DSC1: variants seen among roughly 807,000 people sequenced by gnomAD.
DSC1 encodes the protein desmocollin-1.
DSC1 carries 79 observed loss-of-function variants against 98.8 expected under a neutral mutation model. That is an observed-to-expected ratio of 0.80 (90% CI 0.67 to 0.96). The LOEUF is 0.96. DSC1 is among the 50% of genes least tolerant of loss of function. DSC1 has a pLI of 0.00. For synonymous variants in DSC1, 405 were observed against 372.1 expected, an observed-to-expected ratio of 1.09 and a Z score of -1.02; for missense variants, 1,115 against 1,075.9, an observed-to-expected ratio of 1.04 and a Z score of -0.51.
intron 1 of DSC1, 97 bp from the exon 2 acceptor site, chr18:31,159,626 G>A (rs375300463): frequency 9.5e-6 from 11 of 1,155,836 alleles, no homozygotes; most frequent in East Asian, 5.3e-5. Context: ...TGTCAATTTT[G>A]GAAACAAATT....
Position 31,162,550 on chromosome 18 carries a change from C to T in DSC1, c.45G>A (p.Gln15=), listed in dbSNP as rs1989229872. The part of the protein sequence containing the change: ...SAAPGSIFCK[Q]LLFSLLVLTL... ...TACTCACCAGGAGAGAGAAAAGGAG[C>T]TGCTTACAGAAGATGCTCCCTGGGG... Residue 15 remains glutamine (Q), a synonymous_variant, in exon 1 of 16, where the codon CAG becomes CAA. Transcript: ENST00000257198. The T allele has an allele frequency of 6.2e-7, 1 of 1,614,144 alleles. No homozygotes were observed. Among genetic ancestry groups the T allele is most frequent in the Non-Finnish European group, 8.5e-7 (1 of 1,180,018 alleles).
intron 6 of DSC1, among the ~76,000 whole-genome samples, chr18:31,148,111 G>T (rs545013145): frequency 3.3e-5 from 5 of 152,066 alleles, no homozygotes; most frequent in Non-Finnish European, 7.4e-5. Context: ...TTTTCCTAAT[G>T]GCAAAATTGA....
Position 31,154,848 on chromosome 18 carries a change from A to G in DSC1, c.553T>C (p.Phe185Leu). 6.2e-7 allele frequency: 1 copy of G among 1,614,106 alleles called. No homozygotes were observed. Among genetic ancestry groups the G allele is most frequent in the Non-Finnish European group, 8.5e-7 (1 of 1,180,004 alleles). ...TCCCCAGTGTCTTTCTCTATGTAAAACAAATTGAAGGGTTCTTTGTCCACG... is the reference window on the plus strand; with the variant it reads ...TCCCCAGTGTCTTTCTCTATGTAAAGCAAATTGAAGGGTTCTTTGTCCACG... ...PGVDKEPFNL[F>L]YIEKDTGDIF... Residue 185 changes from phenylalanine to leucine, a missense_variant, in exon 5 of 16, where the codon TTT becomes CTT. By Grantham distance (22) the Phe-to-Leu change is conservative. Transcript: ENST00000257198.
intron 14 of DSC1, 62 bp from the exon 15 acceptor site, chr18:31,131,904 A>AT (rs1055891349): frequency 3.7e-5 from 58 of 1,576,544 alleles, no homozygotes; most frequent in Non-Finnish European, 4.7e-5. Flanking sequence ...ATTCATTTTC[A>AT]TTTTTTTTCA....
intron 2 of DSC1, among the ~76,000 whole-genome samples, chr18:31,157,960 G>T (rs1989134165): frequency 6.6e-6 from 1 of 152,172 alleles, no homozygotes; most frequent in East Asian, 1.9e-4. Flanking sequence ...GCAGTAGTTT[G>T]ATACTTAAAA....
intron 3 of DSC1, 25 bp from the exon 4 acceptor site, chr18:31,156,187 A>G (rs906397862): frequency 7.5e-6 from 12 of 1,597,780 alleles, no homozygotes; most frequent in Non-Finnish European, 9.4e-6. Context: ...AAACAAAGAA[A>G]TGTAGCATTG....
chr18:31,157,357 C>T lies in DSC1; in HGVS notation c.351+14G>A, dbSNP rs28630791. 8.3e-3 allele frequency: 13,455 copies of T among 1,613,572 alleles called. 974 individuals are homozygous for T. In the African/African-American group the frequency reaches 0.16, roughly 19 times the overall value. ...ATATTACTGTGCTAGGCTGCTTAAGCCCTTGCCTTATACCTTGTTTTCTCT... is the reference window on the plus strand; with the variant it reads ...ATATTACTGTGCTAGGCTGCTTAAGTCCTTGCCTTATACCTTGTTTTCTCT... On this transcript the variant is annotated intron_variant, in intron 3 of 15. Coordinates refer to ENST00000257198, the MANE Select transcript of DSC1 (RefSeq NM_024421.2).
chr18:31,148,401 C>A, intron 6 of DSC1, 97 bp downstream of exon 6: 10 of 1,364,504 alleles, frequency 7.3e-6, no homozygotes, highest in African/African-American at 5.8e-5. Flanking sequence ...CCAGAAAATG[C>A]ATAAAATGCA....
At chr18:31,134,820 G>GA in intron 11 of DSC1, 36 bp from the exon 12 acceptor site, 1 of 1,552,230 alleles carries the variant, frequency 6.4e-7, no homozygotes, top group East Asian at 2.3e-5. Context: ...TTCTTCACAT[G>GA]AAAATGCATT....
chr18:31,159,047 G>GTTTTTTTTTTTT (rs560889140), intron 2 of DSC1, among the ~76,000 whole-genome samples: 5,443 of 70,368 alleles, frequency 0.077, 1,243 homozygotes, highest in African/African-American at 0.13. Context: ...CTACTATGTG[G>GTTTTTTTTTTTT]TTTTTTTTTT....
intron 11 of DSC1, 69 bp downstream of exon 11, chr18:31,139,679 A>G: frequency 7.1e-7 from 1 of 1,405,612 alleles, no homozygotes; most frequent in Non-Finnish European, 9.5e-7. Flanking sequence ...AAATAAACAG[A>G]TTTCACCACA....
At chr18:31,151,011 T>C (rs1988991926) in intron 5 of DSC1, 2 of 152,240 alleles carry the variant, frequency 1.3e-5, no homozygotes, top group South Asian at 4.1e-4. Flanking sequence ...GCATCTCTTG[T>C]AATGAATTTT....
At chr18:31,149,766 C>T (rs920173398) in intron 5 of DSC1, among the ~76,000 whole-genome samples, 2 of 152,102 alleles carry the variant, frequency 1.3e-5, no homozygotes, top group Admixed American at 6.6e-5. Flanking sequence ...GTTCACTGTT[C>T]GTGCTAACCT....
intron 5 of DSC1, among the ~76,000 whole-genome samples, chr18:31,150,363 TCACCACCAC>T (rs1988963819): frequency 2.7e-5 from 1 of 37,346 alleles, no homozygotes; most frequent in Admixed American, 3.6e-4. Context: ...ACCACCATCA[TCACCACCAC>T]CATCATCACC....
chr18:31,131,649 G>T lies in DSC1; in HGVS notation c.2432C>A (p.Thr811Asn). ...CCAGTCCGTGTACGCATATCTGCCA[G>T]TATCTCCCTGCCCCACTCCCTTGAC... ...ESVKGVGQGD[T>N]GRYAYTDWQS... The change falls in exon 15 of 16, where the codon ACT becomes AAT. Residue 811 changes from threonine to asparagine, a missense_variant. Thr to Asn is a moderately conservative substitution (Grantham distance 65). Coordinates refer to ENST00000257198, the MANE Select transcript of DSC1 (RefSeq NM_024421.2). 6.2e-7 allele frequency: 1 copy of T among 1,614,102 alleles called. No individual in the cohort carries two copies. The highest frequency in any genetic ancestry group is 8.5e-7 in the Non-Finnish European group (1 of 1,179,980).
At chr18:31,155,063 C>G in intron 4 of DSC1, 134 bp from the exon 5 acceptor site, 1 of 1,041,936 alleles carries the variant, frequency 9.6e-7, no homozygotes, top group Non-Finnish European at 1.4e-6. Context: ...TGCTTAGGTG[C>G]CCATTATCTG....
intron 4 of DSC1, among the ~76,000 whole-genome samples, chr18:31,155,681 AT>A: frequency 6.6e-6 from 1 of 152,276 alleles, no homozygotes; most frequent in South Asian, 2.1e-4. Context: ...AATACAGGTC[AT>A]TTTTATAAAA....
intron 12 of DSC1, among the ~76,000 whole-genome samples, 199 bp from the exon 13 acceptor site, chr18:31,134,329 TTAACATGTTGC>T (rs1988561532): frequency 6.6e-6 from 1 of 152,002 alleles, no homozygotes; most frequent in South Asian, 2.1e-4. Context: ...TAATCTGTAC[TTAACATGTTGC>T]TCAAATGTTA....
At chr18:31,159,257 G>T (rs1186480481) in intron 2 of DSC1, among the ~76,000 whole-genome samples, 188 bp downstream of exon 2, 1 of 147,096 alleles carries the variant, frequency 6.8e-6, no homozygotes, top group Non-Finnish European at 1.5e-5. Flanking sequence ...GTTTCACCTT[G>T]TTAGCCAGGA....
Sources: gnomAD v4.1 joint callset for allele counts (sites outside exome capture counted in the v4.1 genomes callset) on GRCh38, gnomAD v4.1.1 for gene constraint, MANE v1.5 for transcripts, NCBI Gene and HGNC (gene_info 2026-07-23, HGNC 2026-07-21) for gene names.